ABCA10: variants seen among roughly 807,000 people sequenced by gnomAD.
ABCA10 encodes the protein ATP-binding cassette sub-family A member 10.
ABCA10 carries 169 observed loss-of-function variants against 187.5 expected under a neutral mutation model. That is an observed-to-expected ratio of 0.90 (90% confidence interval 0.80 to 1.02). ABCA10 has a LOEUF of 1.02. Among genes scored for constraint, ABCA10 ranks in the 50% least tolerant of loss-of-function variants. The pLI is 0.00. For missense variants in ABCA10, 1,727 were observed against 1,812.4 expected (o/e 0.95, Z 0.86); for synonymous variants, 574 against 601.8 (o/e 0.95, Z 0.68).
At chr17:69,185,386 C>A in intron 20 of ABCA10, 91 bp downstream of exon 20, 1 of 1,320,754 alleles carries the variant, frequency 7.6e-7, no homozygotes, top group Non-Finnish European at 1.0e-6. Context: ...TGGATAGACA[C>A]CATTTTTGTT....
At chr17:69,150,950 C>T (rs906607973) in intron 36 of ABCA10, among the ~76,000 whole-genome samples, 2 of 152,184 alleles carry the variant, frequency 1.3e-5, no homozygotes, top group South Asian at 4.1e-4. Flanking sequence ...TCAATCCCAT[C>T]TCAAAGCTGA....
chr17:69,226,742 T>C (rs1419868943), intron 2 of ABCA10, among the ~76,000 whole-genome samples: 1 of 151,944 alleles, frequency 6.6e-6, no homozygotes, highest in Non-Finnish European at 1.5e-5. Flanking sequence ...CCAAATAGTA[T>C]CAGGGTTTGC....
At chr17:69,186,566 G>A (rs1232811168) in intron 19 of ABCA10, among the ~76,000 whole-genome samples, 1 of 152,052 alleles carries the variant, frequency 6.6e-6, no homozygotes, top group African/African-American at 2.4e-5. Flanking sequence ...GTCAAGCACC[G>A]CAAAAGAGTT....
upstream of ABCA10, among the ~76,000 whole-genome samples, chr17:69,231,929 CT>C (rs2074834664): frequency 3.9e-5 from 6 of 152,034 alleles, no homozygotes; most frequent in African/African-American, 1.2e-4. Context: ...TTTCGGTACT[CT>C]TATGTTGAGT....
chr17:69,192,047 G>A (rs866115989), intron 16 of ABCA10, among the ~76,000 whole-genome samples: 3 of 152,168 alleles, frequency 2.0e-5, no homozygotes, highest in African/African-American at 4.8e-5. Flanking sequence ...CGTATAGGCC[G>A]GGCGCGGTGG....
At chr17:69,212,440 C>G (rs1439397885) in intron 9 of ABCA10, among the ~76,000 whole-genome samples, 1 of 152,148 alleles carries the variant, frequency 6.6e-6, no homozygotes, top group African/African-American at 2.4e-5. Context: ...AATGTATATT[C>G]TGCAGTTGTT....
In ABCA10 at chr17:69,190,348, A is replaced by G. The variant is rs1051859664; in HGVS notation, c.2131+10T>C. On this transcript the variant is annotated intron_variant, in intron 18 of 38. Transcript: ENST00000690296. ...TTTCTTAATTTTCTGCTAGACACAC[A>G]TTTTTATACCTGGTTCATCAATTGC... 1.3e-6 allele frequency: 2 copies of G among 1,534,772 alleles called. No homozygotes were observed. The highest frequency in any genetic ancestry group is 4.9e-5 in the Admixed American group (2 of 40,440).
chr17:69,183,647 A>G (rs1158634057), intron 20 of ABCA10, among the ~76,000 whole-genome samples: 1 of 152,086 alleles, frequency 6.6e-6, no homozygotes, highest in African/African-American at 2.4e-5. Context: ...GCTAAGACGA[A>G]TTTAGAAAGC....
At chr17:69,201,712 C>T (rs770166984) in intron 9 of ABCA10, 44 bp from the exon 10 acceptor site, 1 of 1,432,832 alleles carries the variant, frequency 7.0e-7, no homozygotes, top group Non-Finnish European at 9.4e-7. Flanking sequence ...AATTATACCA[C>T]ACCAATAAAA....
Position 69,153,342 on chromosome 17 carries a change from A to G in ABCA10, c.4099T>C (p.Phe1367Leu), listed in dbSNP as rs1026792991. Residue 1367 changes from phenylalanine (F) to leucine (L), a missense_variant, in exon 34 of 39, where the codon TTC becomes CTC. Phe to Leu is a conservative substitution (Grantham distance 22). Transcript: ENST00000690296. ...TGCCCCTCGGGGTCCATCCCGGTGAACGGCTCATCTAGAAGCACCACTGAT... is the reference window on the plus strand; with the variant it reads ...TGCCCCTCGGGGTCCATCCCGGTGAGCGGCTCATCTAGAAGCACCACTGAT... ...NPSVVLLDEP[F>L]TGMDPEGQQQ... 1.4e-5 allele frequency: 22 copies of G among 1,613,244 alleles called. No homozygotes were observed. The highest frequency in any genetic ancestry group is 1.9e-5 in the Non-Finnish European group (22 of 1,179,650).
At chr17:69,180,384 T>G (rs1290988412) in intron 22 of ABCA10, among the ~76,000 whole-genome samples, 2 of 152,170 alleles carry the variant, frequency 1.3e-5, no homozygotes, top group Non-Finnish European at 2.9e-5. Context: ...AAGTTCATAT[T>G]TGAAAAACAA....
chr17:69,196,848 C>T (rs929240524), intron 11 of ABCA10, among the ~76,000 whole-genome samples: 2 of 152,072 alleles, frequency 1.3e-5, no homozygotes, highest in Non-Finnish European at 2.9e-5. Flanking sequence ...CCGTCTCCAC[C>T]AAAAAAATAC....
At chr17:69,225,251 G>C in intron 3 of ABCA10, 74 bp downstream of exon 3, 1 of 1,535,398 alleles carries the variant, frequency 6.5e-7, no homozygotes. Context: ...GGCTAGGTAA[G>C]TAAATTCAAC....
At chr17:69,188,524 T>C (rs749027714) in intron 18 of ABCA10, among the ~76,000 whole-genome samples, 24 of 151,174 alleles carry the variant, frequency 1.6e-4, no homozygotes, top group Non-Finnish European at 2.5e-4. Flanking sequence ...TTCCAATTTT[T>C]ATTTTTGGTG....
chr17:69,207,609 T>C (rs2074601519), intron 9 of ABCA10, among the ~76,000 whole-genome samples: 1 of 152,204 alleles, frequency 6.6e-6, no homozygotes, highest in South Asian at 2.1e-4. Flanking sequence ...TGTGACAACA[T>C]GCATGAACCT....
intron 36 of ABCA10, 74 bp downstream of exon 36, chr17:69,151,969 A>C (rs772935791): frequency 6.5e-7 from 1 of 1,542,956 alleles, no homozygotes; most frequent in Admixed American, 2.1e-5. Flanking sequence ...TCCGGTTTAG[A>C]CTAGCACAAA....
chr17:69,241,467 C>G (rs1289603342), intron 1 of ABCA10, among the ~76,000 whole-genome samples: 3 of 152,180 alleles, frequency 2.0e-5, no homozygotes, highest in African/African-American at 4.8e-5. Flanking sequence ...ACTCAAAACC[C>G]TCCAATGACT....
chr17:69,191,272 G>T lies in ABCA10; in HGVS notation c.1915C>A (p.Leu639Ile). The T allele has an allele frequency of 6.2e-7, 1 of 1,604,146 alleles. No homozygotes were observed. The highest frequency in any genetic ancestry group is 8.5e-7 in the Non-Finnish European group (1 of 1,174,274). The stretch of plus-strand genomic sequence containing the variant: ...GCATCAGGAATGTGCTGCTTAATAA[G>T]GGATGTGATTTTTTCTGTGTCACAC... ...EMCDTEKITS[L>I]IKQHIPDAKL... Residue 639 changes from leucine to isoleucine, a missense_variant, in exon 17 of 39, where the codon CTT (leucine) becomes ATT (isoleucine). Physicochemically the swap from Leu to Ile is conservative, Grantham distance 5 (BLOSUM62 2). Coordinates refer to ENST00000690296, the MANE Select transcript of ABCA10 (RefSeq NM_001377321.1).
chr17:69,195,217 C>CA (rs2074489187), intron 11 of ABCA10, among the ~76,000 whole-genome samples: 1 of 152,014 alleles, frequency 6.6e-6, no homozygotes, highest in African/African-American at 2.4e-5. Flanking sequence ...GTCAGAGCGT[C>CA]AAAAATCAGG....
Sources: gnomAD v4.1 joint callset for allele counts (sites outside exome capture counted in the v4.1 genomes callset) on GRCh38, gnomAD v4.1.1 for gene constraint, MANE v1.5 for transcripts, NCBI Gene and HGNC (gene_info 2026-07-23, HGNC 2026-07-21) for gene names.